SCN8A: variants seen among roughly 807,000 people sequenced by gnomAD.
SCN8A encodes sodium channel protein type 8 subunit alpha.
SCN8A carries 30 observed loss-of-function variants against 184.1 expected under a neutral mutation model. The observed-to-expected ratio is 0.16, with a 90% CI of 0.12 to 0.22. The LOEUF is 0.22. SCN8A is among the 10% of genes least tolerant of loss of function. The pLI is 1.00. For missense variants in SCN8A, 1,057 were observed against 2,498.9 expected, an observed-to-expected ratio of 0.42 and a Z score of 12.30; for synonymous variants, 852 against 907.0, an observed-to-expected ratio of 0.94 and a Z score of 1.09.
intron 12 of SCN8A, among the ~76,000 whole-genome samples, chr12:51,727,714 G>A (rs1457266856): frequency 1.3e-5 from 2 of 152,198 alleles, no homozygotes; most frequent in Admixed American, 1.3e-4. Context: ...TGTAATCCCA[G>A]CACTTTGGGA....
At chr12:51,721,108 A>ATATATATATATATATATATATATATAT in intron 11 of SCN8A, among the ~76,000 whole-genome samples, 1 of 103,020 alleles carries the variant, frequency 9.7e-6, no homozygotes, top group East Asian at 2.4e-4. Context: ...TATATATATA[A>ATATATATATATATATATATATATATAT]TATTTATTTA....
intron 1 of SCN8A, among the ~76,000 whole-genome samples, chr12:51,655,620 C>T (rs753084005): frequency 9.1e-4 from 138 of 152,120 alleles, no homozygotes; most frequent in Non-Finnish European, 3.4e-4. Flanking sequence ...GCGATCTTCC[C>T]ATCTAAGCCT....
At chr12:51,686,503 T>C (rs1941422558) in intron 4 of SCN8A, 46 bp downstream of exon 4, 2 of 1,337,402 alleles carry the variant, frequency 1.5e-6, no homozygotes, top group Admixed American at 3.6e-5. Flanking sequence ...TAAATATTTT[T>C]AGTCACTAAA....
chr12:51,731,353 C>T (rs771639539), intron 12 of SCN8A, among the ~76,000 whole-genome samples: 2 of 152,014 alleles, frequency 1.3e-5, no homozygotes, highest in Admixed American at 6.6e-5. Flanking sequence ...TATGTTCAAG[C>T]GATTCTCCTG....
intron 2 of SCN8A, among the ~76,000 whole-genome samples, chr12:51,675,115 T>A (rs1256292035): frequency 2.0e-5 from 3 of 152,194 alleles, no homozygotes; most frequent in Non-Finnish European, 2.9e-5. Context: ...TTTAAGAGGT[T>A]AAAGTAGAAG....
At chr12:51,698,794 T>TA (rs571534115) in intron 6 of SCN8A, among the ~76,000 whole-genome samples, 41 of 152,236 alleles carry the variant, frequency 2.7e-4, no homozygotes, top group Admixed American at 1.6e-3. Context: ...AGACAAAGTA[T>TA]AAATACTGGA....
intron 14 of SCN8A, among the ~76,000 whole-genome samples, chr12:51,759,339 A>T (rs1256897344): frequency 6.6e-6 from 1 of 152,162 alleles, no homozygotes; most frequent in African/African-American, 2.4e-5. Flanking sequence ...TAAGCAATGC[A>T]TGACCATACT....
intron 6 of SCN8A, among the ~76,000 whole-genome samples, chr12:51,693,044 C>T (rs947278003): frequency 1.3e-5 from 2 of 152,170 alleles, no homozygotes; most frequent in African/African-American, 4.8e-5. Context: ...ATTTCTGTTA[C>T]TTTCACTCCT....
At chr12:51,756,955 C>A (rs777621856) in intron 14 of SCN8A, among the ~76,000 whole-genome samples, 1 of 152,212 alleles carries the variant, frequency 6.6e-6, no homozygotes, top group Non-Finnish European at 1.5e-5. Flanking sequence ...TGAATGTTAT[C>A]ATTTCTTAAT....
chr12:51,714,311 T>C (rs868700469), intron 11 of SCN8A, among the ~76,000 whole-genome samples: 3 of 152,242 alleles, frequency 2.0e-5, no homozygotes, highest in Non-Finnish European at 4.4e-5. Flanking sequence ...TTTTGTGCCA[T>C]AGATCTTTAA....
At chr12:51,692,336 T>C (rs1941525177) in intron 6 of SCN8A, among the ~76,000 whole-genome samples, 1 of 152,196 alleles carries the variant, frequency 6.6e-6, no homozygotes, top group Non-Finnish European at 1.5e-5. Context: ...ATTCTGAGTA[T>C]GTCAGGGCCG....
rs1190792467 is a variant in SCN8A at position 51,689,083 on chromosome 12, C to T, written c.693C>T (p.Ile231=). 7 of 1,610,678 alleles carry T rather than the reference C, an allele frequency of 4.3e-6. No individual in the cohort carries two copies. The highest frequency in any genetic ancestry group is 5.9e-6 in the Non-Finnish European group (7 of 1,178,372). The change falls in exon 6 of 27, where the codon ATC becomes ATT. Residue 231 remains isoleucine (I), a synonymous_variant. Coordinates refer to ENST00000627620, the MANE Select transcript of SCN8A (RefSeq NM_001330260.2). ...GGGTTCTCCGAGCTTTGAAAACTAT[C>T]TCTGTAATTCCAGGTGAGAAAATTT... ...TFRVLRALKT[I]SVIPGLKTIV... is the part of the protein sequence containing the mutation.
At chr12:51,713,917 T>G (rs1348873979) in intron 11 of SCN8A, among the ~76,000 whole-genome samples, 1 of 151,534 alleles carries the variant, frequency 6.6e-6, no homozygotes, top group Non-Finnish European at 1.5e-5. Context: ...CATTACATGA[T>G]TAACACAAAT....
chr12:51,805,911 C>T (rs1254470816), intron 26 of SCN8A, among the ~76,000 whole-genome samples: 1 of 152,092 alleles, frequency 6.6e-6, no homozygotes, highest in Admixed American at 6.5e-5. Context: ...TTACTACAAC[C>T]TCCACCTACC....
At chr12:51,645,203 TG>T (rs1197765774) in intron 1 of SCN8A, among the ~76,000 whole-genome samples, 1 of 133,282 alleles carries the variant, frequency 7.5e-6, no homozygotes, top group Non-Finnish European at 1.6e-5. Context: ...GGGAGGGAGG[TG>T]GGGGGGTCAG....
At chr12:51,638,707 G>A (rs1332428393) in intron 1 of SCN8A, among the ~76,000 whole-genome samples, 1 of 151,994 alleles carries the variant, frequency 6.6e-6, no homozygotes, top group Non-Finnish European at 1.5e-5. Flanking sequence ...GGATGGTCTC[G>A]ATCTCTTGAC....
chr12:51,593,964 G>T (rs1156916795), intron 1 of SCN8A, among the ~76,000 whole-genome samples: 2 of 152,188 alleles, frequency 1.3e-5, no homozygotes, highest in African/African-American at 2.4e-5. Flanking sequence ...GAAGTAATCC[G>T]ATAGCTGGCT....
chr12:51,613,201 G>T (rs1169036925), intron 1 of SCN8A, among the ~76,000 whole-genome samples: 1 of 152,108 alleles, frequency 6.6e-6, no homozygotes, highest in African/African-American at 2.4e-5. Context: ...TTCGGAAAAA[G>T]ATTTTGTAGA....
chr12:51,653,658 T>C (rs1178193228), intron 1 of SCN8A, among the ~76,000 whole-genome samples: 1 of 152,218 alleles, frequency 6.6e-6, no homozygotes, highest in African/African-American at 2.4e-5. Context: ...TGTACAAATA[T>C]CTTTTTGAGT....
Sources: gnomAD v4.1 joint callset for allele counts (sites outside exome capture counted in the v4.1 genomes callset) on GRCh38, gnomAD v4.1.1 for gene constraint, MANE v1.5 for transcripts, NCBI Gene and HGNC (gene_info 2026-07-23, HGNC 2026-07-21) for gene names.